CSMD2: variants seen among roughly 807,000 people sequenced by gnomAD.
The protein encoded by CSMD2 is CUB and sushi domain-containing protein 2.
Under a neutral mutation model 398.5 loss-of-function variants are expected in CSMD2, and 130 were observed. The observed-to-expected ratio is 0.33, with a 90% CI of 0.28 to 0.38. CSMD2 has a LOEUF of 0.38. Among genes scored for constraint, CSMD2 ranks in the 10% least tolerant of loss-of-function variants. The pLI, the probability that CSMD2 is intolerant of heterozygous loss-of-function variation, is 1.00. For synonymous variants in CSMD2, 1,828 were observed against 1,908.5 expected (o/e 0.96, Z 1.10); for missense variants, 3,829 against 4,764.9 (o/e 0.80, Z 5.78).
intron 5 of CSMD2, among the ~76,000 whole-genome samples, chr1:33,857,831 T>A (rs1639210331): frequency 6.6e-6 from 1 of 152,094 alleles, no homozygotes; most frequent in African/African-American, 2.4e-5. Context: ...AAACAAAAGA[T>A]GTCTACTGTG....
chr1:33,727,182 C>T (rs1032680652), intron 15 of CSMD2, among the ~76,000 whole-genome samples: 2 of 152,144 alleles, frequency 1.3e-5, no homozygotes, highest in African/African-American at 4.8e-5. Flanking sequence ...CTGGGTATCC[C>T]CAGTATTGAG....
chr1:33,722,510 G>A (rs1646389658), intron 19 of CSMD2, among the ~76,000 whole-genome samples: 1 of 152,024 alleles, frequency 6.6e-6, no homozygotes, highest in African/African-American at 2.4e-5. Context: ...AATTACACTT[G>A]TTTCATTATT....
intron 3 of CSMD2, among the ~76,000 whole-genome samples, chr1:33,993,258 T>C (rs927912092): frequency 1.3e-5 from 2 of 152,236 alleles, no homozygotes; most frequent in Non-Finnish European, 2.9e-5. Context: ...CCTCAGTTTG[T>C]AGTTTGCATT....
intron 15 of CSMD2, among the ~76,000 whole-genome samples, chr1:33,737,160 A>C (rs1270771937): frequency 1.3e-5 from 2 of 152,194 alleles, no homozygotes; most frequent in African/African-American, 2.4e-5. Flanking sequence ...TAAGCCCATT[A>C]ATTCTACAGC....
rs1414260617 is a variant in CSMD2 at position 33,514,008 on chromosome 1, C to A, written c.*2616G>T. 6.6e-6 allele frequency: 1 copy of A among 152,406 alleles called. No individual in the cohort carries two copies. The highest frequency in any genetic ancestry group is 1.9e-4 in the East Asian group (1 of 5,192). The allele number at this position is 152,406 out of a possible 1,614,324, so 9.4% of individuals were successfully genotyped here. The stretch of plus-strand genomic sequence containing the variant: ...AAGAGGCCATAAAAATGTAAGAAAA[C>A]CAATGCAAAAATTTATATTTTATTT... On this transcript the variant is annotated 3_prime_UTR_variant, in exon 71 of 71. Coordinates refer to ENST00000373381, the MANE Select transcript of CSMD2 (RefSeq NM_001281956.2).
intron 3 of CSMD2, among the ~76,000 whole-genome samples, chr1:34,007,835 G>A (rs772129231): frequency 2.6e-5 from 4 of 152,056 alleles, no homozygotes; most frequent in Non-Finnish European, 5.9e-5. Context: ...ATATCTAGGG[G>A]GTGTGATAAT....
At chr1:33,695,972 T>A (rs1645408401) in intron 24 of CSMD2, among the ~76,000 whole-genome samples, 1 of 152,216 alleles carries the variant, frequency 6.6e-6, no homozygotes, top group South Asian at 2.1e-4. Context: ...TGTAACATGT[T>A]ATTAAAATCA....
chr1:34,163,997 G>A lies in CSMD2; in HGVS notation c.187+914C>T, dbSNP rs566369474. Among the ~76,000 whole-genome samples the A allele has an allele frequency of 6.6e-6, 1 of 152,082 alleles. No individual in the cohort carries two copies. Among genetic ancestry groups the A allele is most frequent in the Non-Finnish European group, 1.5e-5 (1 of 68,006 alleles). The stretch of plus-strand genomic sequence containing the variant: ...CAGCCAGACACCCGCGAAGTTCCGG[G>A]ACTCTCCGCACCCGCTAGATCTGCC... On this transcript the variant is annotated intron_variant, in intron 1 of 70. Transcript: ENST00000373381. This position sits in a 1 kb window ranked among gnomAD's most constrained non-coding sequence, Gnocchi z 5.4.
intron 51 of CSMD2, 41 bp from the exon 52 acceptor site, chr1:33,569,588 G>A (rs758194204): frequency 6.3e-7 from 1 of 1,592,644 alleles, no homozygotes; most frequent in Non-Finnish European, 8.6e-7. Context: ...AGCCCCAAGA[G>A]GAGGGACATG....
chr1:34,062,093 A>T (rs1490825721), intron 2 of CSMD2, among the ~76,000 whole-genome samples: 1 of 152,212 alleles, frequency 6.6e-6, no homozygotes, highest in Non-Finnish European at 1.5e-5. Context: ...GTCCAGCAGG[A>T]TACATGTGGC....
chr1:33,995,304 C>T (rs1381840368), intron 3 of CSMD2, among the ~76,000 whole-genome samples: 1 of 152,192 alleles, frequency 6.6e-6, no homozygotes, highest in Non-Finnish European at 1.5e-5. Flanking sequence ...CACGTGGGGT[C>T]TTTGGCTTTA....
intron 22 of CSMD2, among the ~76,000 whole-genome samples, chr1:33,703,597 T>C (rs1249680319): frequency 6.6e-6 from 1 of 152,192 alleles, no homozygotes; most frequent in Non-Finnish European, 1.5e-5. Context: ...GCAGAAAGCT[T>C]TCTATACACA....
intron 1 of CSMD2, among the ~76,000 whole-genome samples, chr1:34,151,623 A>G (rs1462461108): frequency 6.6e-6 from 1 of 152,154 alleles, no homozygotes; most frequent in Non-Finnish European, 1.5e-5. Context: ...AAGGGAGAGG[A>G]AAGGAGAGAG....
At chr1:33,726,807 T>C (rs146785362) in intron 15 of CSMD2, 122 bp from the exon 16 acceptor site, 42 of 1,055,232 alleles carry the variant, frequency 4.0e-5, no homozygotes, top group Non-Finnish European at 5.4e-5. Flanking sequence ...GAAAATTACA[T>C]AAACTATAAA....
intron 6 of CSMD2, among the ~76,000 whole-genome samples, chr1:33,845,338 C>T (rs1439375770): frequency 6.6e-6 from 1 of 152,166 alleles, no homozygotes; most frequent in Admixed American, 6.5e-5. Context: ...GTGGGGAGTA[C>T]TGAGTGGGGC....
chr1:34,043,552 C>T (rs1424882780), intron 2 of CSMD2, among the ~76,000 whole-genome samples: 1 of 152,172 alleles, frequency 6.6e-6, no homozygotes, highest in Non-Finnish European at 1.5e-5. Context: ...CTATCTATAA[C>T]CTTTTCACTA....
At chr1:34,114,977 T>A (rs1661467076) in intron 1 of CSMD2, among the ~76,000 whole-genome samples, 1 of 150,808 alleles carries the variant, frequency 6.6e-6, no homozygotes, top group Non-Finnish European at 1.5e-5. Context: ...ACTGGAGGGG[T>A]TCAATAACAG....
chr1:33,895,022 C>A (rs1642284620), intron 5 of CSMD2, among the ~76,000 whole-genome samples: 1 of 152,188 alleles, frequency 6.6e-6, no homozygotes, highest in African/African-American at 2.4e-5. Flanking sequence ...ACTTCCACAT[C>A]AGAAAAATTG....
chr1:33,576,882 C>T (rs1012752599), intron 49 of CSMD2, among the ~76,000 whole-genome samples: 1 of 151,308 alleles, frequency 6.6e-6, no homozygotes, highest in Non-Finnish European at 1.5e-5. Flanking sequence ...ATCATAAAAT[C>T]ATAAATCATA....
Sources: gnomAD v4.1 joint callset for allele counts (sites outside exome capture counted in the v4.1 genomes callset) on GRCh38, gnomAD v4.1.1 for gene constraint, Gnocchi (gnomAD v3.1) non-coding constraint, MANE v1.5 for transcripts, NCBI Gene and HGNC (gene_info 2026-07-23, HGNC 2026-07-21) for gene names.